AGBL1: variants seen among roughly 807,000 people sequenced by gnomAD.
AGBL1 encodes cytosolic carboxypeptidase 4.
Under a neutral mutation model 118.9 loss-of-function variants are expected in AGBL1, and 130 were observed. The ratio of observed to expected loss-of-function variants is 1.09; its 90% CI spans 0.95 to 1.26. AGBL1 has a LOEUF of 1.26. Ranked by LOEUF, AGBL1 falls within the 50% of genes most tolerant of loss-of-function variation. The probability of loss-of-function intolerance (pLI) is 0.00; values close to 1 mark genes in which losing one functional copy is unlikely to be tolerated. For missense variants in AGBL1, 1,584 were observed against 1,298.1 expected, an observed-to-expected ratio of 1.22 and a Z score of -3.38; for synonymous variants, 555 against 478.9, an observed-to-expected ratio of 1.16 and a Z score of -2.08.
chr15:86,148,970 A>T, intron 3 of AGBL1, among the ~76,000 whole-genome samples: 1 of 152,234 alleles, frequency 6.6e-6, no homozygotes, highest in South Asian at 2.1e-4. Flanking sequence ...GGGGGCCAAT[A>T]TTCAACATTC....
At chr15:86,676,383 G>A (rs374049884) in intron 22 of AGBL1, among the ~76,000 whole-genome samples, 1 of 152,094 alleles carries the variant, frequency 6.6e-6, no homozygotes, top group Non-Finnish European at 1.5e-5. Flanking sequence ...GGAGATCACC[G>A]TGAGCATTTC....
chr15:86,948,313 G>T (rs1240037134), intron 23 of AGBL1, among the ~76,000 whole-genome samples: 2 of 151,838 alleles, frequency 1.3e-5, no homozygotes, highest in Non-Finnish European at 2.9e-5. Context: ...ATTTAAAAAA[G>T]AACATATTGC....
At chr15:86,143,562 G>C in intron 2 of AGBL1, 137 bp from the exon 3 acceptor site, 1 of 1,036,474 alleles carries the variant, frequency 9.6e-7, no homozygotes, top group Non-Finnish European at 1.4e-6. Flanking sequence ...AACACAGGTT[G>C]CTTCAAGAAC....
rs71144081 is a variant in AGBL1, at chr15:86,925,099, C to CAAG, written c.3222-62862_3222-62860dup. On this transcript the variant is annotated intron_variant, in intron 23 of 24. Coordinates refer to the AGBL1 transcript ENST00000441037. Reference sequence around the variant, plus strand: ...CCTGTGTGACAGAGTGAGACTCTGTCAAGAAGAAGAAGAAGAAGAAGAAGA... The same window carrying CAAG: ...CCTGTGTGACAGAGTGAGACTCTGTCAAGAAGAAGAAGAAGAAGAAGAAGAAGA... Among the ~76,000 whole-genome samples the CAAG allele has an allele frequency of 3.2e-3, 395 of 121,874 alleles. 7 individuals carry two copies. The highest frequency in any genetic ancestry group is 4.4e-3 in the Non-Finnish European group (258 of 58,524). The allele number at this position is 121,874 out of a possible 152,430, so 80.0% of individuals were successfully genotyped here. A position where few individuals can be genotyped will look rare whatever the true frequency, so the allele number is the denominator to read the frequency against.
In AGBL1 at chr15:86,574,570, ATTTTTTT is replaced by A. The variant is rs776642678; in HGVS notation, c.2994+20051_2994+20057del. Among the ~76,000 whole-genome samples the A allele has an allele frequency of 2.0e-3, 171 of 83,800 alleles. 1 individual carries two copies. The highest frequency in any genetic ancestry group is 6.5e-3 in the African/African-American group (144 of 22,186). 55.0% of individuals were successfully genotyped at this position (83,800 alleles called of 152,430 possible). On this transcript the variant is annotated intron_variant, in intron 21 of 22. Coordinates refer to ENST00000614907, the MANE Select transcript of AGBL1 (RefSeq NM_001386094.1). ...TTCTATACAATTCTTAAAAGTTTTA[ATTTTTTT>A]TTTTTTTTTTTTTTTTTGTGATGAG...
At chr15:86,745,559 G>C (rs1356294019) in intron 22 of AGBL1, among the ~76,000 whole-genome samples, 1 of 151,986 alleles carries the variant, frequency 6.6e-6, no homozygotes, top group South Asian at 2.1e-4. Context: ...CCAAAATCTT[G>C]GTCAAGGGGA....
At chr15:86,636,494 G>A (rs1467346389) in intron 21 of AGBL1, among the ~76,000 whole-genome samples, 4 of 141,510 alleles carry the variant, frequency 2.8e-5, no homozygotes, top group African/African-American at 1.0e-4. Context: ...CATCAAGATA[G>A]TTTTTTTTTT....
chr15:86,294,063 C>A (rs192551768), intron 16 of AGBL1, among the ~76,000 whole-genome samples: 2 of 151,874 alleles, frequency 1.3e-5, no homozygotes, highest in African/African-American at 4.8e-5. Context: ...GACTGGTGCC[C>A]CTGTTTTGAT....
intron 22 of AGBL1, among the ~76,000 whole-genome samples, chr15:86,790,735 T>G (rs967517115): frequency 6.6e-6 from 1 of 152,120 alleles, no homozygotes; most frequent in African/African-American, 2.4e-5. Flanking sequence ...CTTGTGTGCC[T>G]AAAAGTCCCT....
At chr15:86,599,998 C>T (rs1176335456) in intron 21 of AGBL1, among the ~76,000 whole-genome samples, 2 of 152,032 alleles carry the variant, frequency 1.3e-5, no homozygotes, top group Non-Finnish European at 2.9e-5. Context: ...CTTAAATTGG[C>T]AGTACATTTA....
chr15:86,653,540 T>G (rs1006897478), intron 21 of AGBL1, among the ~76,000 whole-genome samples: 1 of 152,160 alleles, frequency 6.6e-6, no homozygotes, highest in African/African-American at 2.4e-5. Flanking sequence ...GGTTCTTTTT[T>G]ATAAACCGTG....
At chr15:86,159,152 AC>A in intron 5 of AGBL1, 126 bp downstream of exon 5, 1 of 843,698 alleles carries the variant, frequency 1.2e-6, no homozygotes, top group Non-Finnish European at 2.0e-6. Context: ...GAAATATGGT[AC>A]CATGTCTTTA....
intron 21 of AGBL1, among the ~76,000 whole-genome samples, chr15:86,625,588 A>T (rs994626187): frequency 6.6e-6 from 1 of 151,944 alleles, no homozygotes; most frequent in Non-Finnish European, 1.5e-5. Flanking sequence ...TGAAAGACAC[A>T]GAGAATATAT....
intron 19 of AGBL1, among the ~76,000 whole-genome samples, chr15:86,543,528 G>T (rs999646217): frequency 3.9e-5 from 6 of 152,082 alleles, no homozygotes; most frequent in African/African-American, 1.4e-4. Context: ...AATGATCTTT[G>T]GACCCCAAAC....
rs62034302 is a variant in AGBL1 at position 86,962,820 on chromosome 15, A to G, written c.3222-25167A>G. Among the ~76,000 whole-genome samples, 1,015 of 152,188 alleles carry G rather than the reference A, an allele frequency of 6.7e-3. 7 individuals are homozygous for G. Among genetic ancestry groups the G allele is most frequent in the Non-Finnish European group, 0.01 (681 of 67,984 alleles). ...TCTGGTCCCACCTCAGAGCTATTGAATGAGAATCTTGCATTATCTGCAACA... is the reference window on the plus strand; with the variant it reads ...TCTGGTCCCACCTCAGAGCTATTGAGTGAGAATCTTGCATTATCTGCAACA... On this transcript the variant is annotated intron_variant, in intron 23 of 24. Transcript: ENST00000441037.
chr15:86,182,985 G>A (rs2077574933), intron 5 of AGBL1, among the ~76,000 whole-genome samples: 1 of 152,048 alleles, frequency 6.6e-6, no homozygotes, highest in African/African-American at 2.4e-5. Context: ...TAATTCTCAT[G>A]TGTGTGTGTG....
chr15:86,259,961 G>T (rs2078956239), intron 9 of AGBL1, among the ~76,000 whole-genome samples: 1 of 152,220 alleles, frequency 6.6e-6, no homozygotes, highest in Non-Finnish European at 1.5e-5. Context: ...ATGGAGGGGT[G>T]GGGTAGAGAG....
intron 22 of AGBL1, among the ~76,000 whole-genome samples, chr15:86,787,150 TTA>T (rs763899308): frequency 2.6e-4 from 39 of 151,328 alleles, no homozygotes; most frequent in South Asian, 8.3e-4. Context: ...TACATAATGT[TTA>T]TATATATATA....
intron 22 of AGBL1, among the ~76,000 whole-genome samples, chr15:86,740,548 T>C (rs995863090): frequency 1.1e-4 from 16 of 152,304 alleles, no homozygotes; most frequent in African/African-American, 3.1e-4. Context: ...TGCTGTCTAA[T>C]TGGGGACATA....
Sources: allele counts gnomAD v4.1 joint callset (sites outside exome capture counted in the v4.1 genomes callset), GRCh38; gene constraint gnomAD v4.1.1; transcripts MANE v1.5; gene names NCBI Gene and HGNC (gene_info 2026-07-23, HGNC 2026-07-21).